SMCHD1: variants seen among roughly 807,000 people sequenced by gnomAD.
SMCHD1 encodes the protein structural maintenance of chromosomes flexible hinge domain containing 1.
A neutral mutation model predicts 254.7 loss-of-function variants in SMCHD1; 78 were observed. The observed-to-expected ratio is 0.31, with a 90% CI of 0.26 to 0.37. The LOEUF (loss-of-function observed/expected upper bound fraction) is 0.37. Ranked by LOEUF, SMCHD1 falls within the 10% of genes least tolerant of loss-of-function variation. The pLI is 1.00. For synonymous variants in SMCHD1, 766 were observed against 794.9 expected (o/e 0.96, Z 0.61); for missense variants, 1,840 against 2,408.1 (o/e 0.76, Z 4.94).
rs1006806631 is a variant in SMCHD1 at position 2,803,674 on chromosome 18, C to T, written c.*1122C>T. 3.7e-5 allele frequency: 4 copies of T among 108,184 alleles called. No individual in the cohort carries two copies. Among genetic ancestry groups the T allele is most frequent in the Admixed American group, 1.1e-4 (1 of 9,014 alleles). The allele number at this position is 108,184 out of a possible 1,614,324, so 6.7% of individuals were successfully genotyped here. A position where few individuals can be genotyped will look rare whatever the true frequency, so the allele number is the denominator to read the frequency against. ...TCATAAAAGTTATCTTGTTAAAAAA[C>T]GATGATGATGTTAACCTATCTATCT... On this transcript the variant is annotated 3_prime_UTR_variant, in exon 48 of 48. Transcript: ENST00000320876.
At chr18:2,695,540 C>A (rs2074268404) in intron 8 of SMCHD1, among the ~76,000 whole-genome samples, 1 of 152,052 alleles carries the variant, frequency 6.6e-6, no homozygotes, top group South Asian at 2.1e-4. Flanking sequence ...GAACTCCTGA[C>A]CTCAGGTGAT....
intron 45 of SMCHD1, chr18:2,784,884 A>G (rs746697724): frequency 1.8e-5 from 9 of 497,982 alleles, no homozygotes; most frequent in South Asian, 6.2e-5. Flanking sequence ...GGCTAAGACA[A>G]GAGTGTCGCT....
chr18:2,804,136 T>C lies in SMCHD1; in HGVS notation c.*1584T>C, dbSNP rs1384563694. The stretch of plus-strand genomic sequence containing the variant: ...AAGAAAGGTTAAAGAGAAATGACTT[T>C]TTAGGAACTAGACTTGAACGTATAA... On this transcript the variant is annotated 3_prime_UTR_variant, in exon 48 of 48. Coordinates refer to ENST00000320876, the MANE Select transcript of SMCHD1 (RefSeq NM_015295.3). The C allele has an allele frequency of 6.6e-6, 1 of 152,194 alleles. No individual in the cohort carries two copies. The highest frequency in any genetic ancestry group is 1.5e-5 in the Non-Finnish European group (1 of 68,030). The allele number at this position is 152,194 out of a possible 1,614,324, so 9.4% of individuals were successfully genotyped here. A position where few individuals can be genotyped will look rare whatever the true frequency, so the allele number is the denominator to read the frequency against.
At chr18:2,698,325 C>T (rs2074327417) in intron 10 of SMCHD1, among the ~76,000 whole-genome samples, 1 of 152,096 alleles carries the variant, frequency 6.6e-6, no homozygotes, top group Non-Finnish European at 1.5e-5. Context: ...GTTCCCTTGT[C>T]TTCTCTTTAT....
intron 7 of SMCHD1, among the ~76,000 whole-genome samples, chr18:2,690,584 G>C (rs1349113237): frequency 6.7e-6 from 1 of 150,142 alleles, no homozygotes; most frequent in Non-Finnish European, 1.5e-5. Context: ...CAATTCCCCT[G>C]CTTCAGCCTC....
intron 30 of SMCHD1, among the ~76,000 whole-genome samples, chr18:2,749,432 A>G (rs2075529744): frequency 6.6e-6 from 1 of 152,226 alleles, no homozygotes; most frequent in African/African-American, 2.4e-5. Flanking sequence ...CAACCCCAGA[A>G]TAAAGATATG....
chr18:2,732,462 T>C lies in SMCHD1; in HGVS notation c.3246T>C (p.Asn1082=). 1 of 1,607,644 alleles carries C rather than the reference T, an allele frequency of 6.2e-7. No individual in the cohort carries two copies. The highest frequency in any genetic ancestry group is 8.5e-7 in the Non-Finnish European group (1 of 1,176,230). The stretch of plus-strand genomic sequence containing the variant: ...ATGATGAAGGAGAAAGAGAAATCAA[T>C]ATAACATCAGCTTTAGCAGAAAAAA... ...QMYDEGEREI[N]ITSALAEKIK... is the part of the protein sequence containing the mutation. The change falls in exon 25 of 48, where the codon AAT becomes AAC. Residue 1082 remains asparagine, a synonymous_variant. Coordinates refer to ENST00000320876, the MANE Select transcript of SMCHD1 (RefSeq NM_015295.3).
chr18:2,796,141 T>C, intron 46 of SMCHD1, 34 bp downstream of exon 46: 1 of 1,436,682 alleles, frequency 7.0e-7, no homozygotes, highest in Non-Finnish European at 9.3e-7. Flanking sequence ...TTCTACTTTC[T>C]TTATATGGAG....
At chr18:2,796,715 G>A (rs999722564) in intron 47 of SMCHD1, 194 bp downstream of exon 47, 2 of 530,200 alleles carry the variant, frequency 3.8e-6, no homozygotes, top group African/African-American at 4.0e-5. Context: ...CGAGTAGCTG[G>A]CATTACAGGC....
chr18:2,659,116 CTTAT>C (rs2073168283), intron 1 of SMCHD1, among the ~76,000 whole-genome samples: 3 of 152,096 alleles, frequency 2.0e-5, no homozygotes, highest in South Asian at 2.1e-4. Flanking sequence ...TAAACTGTTA[CTTAT>C]TTATTTATTT....
chr18:2,738,355 A>G, intron 25 of SMCHD1, 42 bp from the exon 26 acceptor site: 1 of 1,431,752 alleles, frequency 7.0e-7, no homozygotes, highest in South Asian at 1.3e-5. Context: ...AGAGAACATT[A>G]GACGAAGCTT....
At chr18:2,762,429 A>C (rs1215280938) in intron 36 of SMCHD1, among the ~76,000 whole-genome samples, 193 bp downstream of exon 36, 1 of 152,074 alleles carries the variant, frequency 6.6e-6, no homozygotes, top group Admixed American at 6.6e-5. Flanking sequence ...AACATTATAC[A>C]TAAAATGAAT....
intron 30 of SMCHD1, among the ~76,000 whole-genome samples, chr18:2,749,303 A>G (rs776976895): frequency 5.3e-5 from 8 of 152,048 alleles, no homozygotes; most frequent in Admixed American, 3.9e-4. Context: ...TTTAGGTTCT[A>G]TTAAGTTGAG....
chr18:2,692,070 AT>A (rs1299592245), intron 7 of SMCHD1, among the ~76,000 whole-genome samples: 3 of 152,244 alleles, frequency 2.0e-5, no homozygotes, highest in Non-Finnish European at 2.9e-5. Context: ...GTGAAAACTA[AT>A]TTGCATCCAC....
At chr18:2,745,014 T>C (rs925352226) in intron 29 of SMCHD1, among the ~76,000 whole-genome samples, 17 of 152,142 alleles carry the variant, frequency 1.1e-4, no homozygotes, top group African/African-American at 3.4e-4. Context: ...TGGCTAATTT[T>C]GTATTTTAAA....
chr18:2,706,484 C>T lies in SMCHD1; in HGVS notation c.2063+14C>T, dbSNP rs199733051. On this transcript the variant is annotated intron_variant, in intron 15 of 47. Transcript: ENST00000320876. ...TGAAATGGCAAGGTAAGTCACACTTCAAGATGCATGACAAAAATAAGAAAA... is the reference window on the plus strand; with the variant it reads ...TGAAATGGCAAGGTAAGTCACACTTTAAGATGCATGACAAAAATAAGAAAA... 3 of 1,527,856 alleles carry T rather than the reference C, an allele frequency of 2.0e-6. No individual in the cohort carries two copies. Among genetic ancestry groups the T allele is most frequent in the Non-Finnish European group, 2.7e-6 (3 of 1,119,882 alleles). The allele number at this position is 1,527,856 out of a possible 1,614,324, so 94.6% of individuals were successfully genotyped here. A position where few individuals can be genotyped will look rare whatever the true frequency, so the allele number is the denominator to read the frequency against.
At chr18:2,666,262 T>G (rs1365996042) in intron 2 of SMCHD1, 30 bp downstream of exon 2, 1 of 1,060,028 alleles carries the variant, frequency 9.4e-7, no homozygotes, top group Non-Finnish European at 1.4e-6. Flanking sequence ...AAGTTGATGC[T>G]TTTATATTTA....
intron 37 of SMCHD1, among the ~76,000 whole-genome samples, chr18:2,768,164 TA>T (rs55746253): frequency 1.6e-4 from 24 of 147,768 alleles, no homozygotes; most frequent in East Asian, 1.2e-3. Flanking sequence ...GCAAATCAAT[TA>T]AAAAAAAAAG....
At chr18:2,696,217 T>C (rs975073689) in intron 8 of SMCHD1, among the ~76,000 whole-genome samples, 1 of 152,170 alleles carries the variant, frequency 6.6e-6, no homozygotes, top group African/African-American at 2.4e-5. Context: ...GGTAAGATTG[T>C]CTCAGTGCTA....
Sources: allele counts gnomAD v4.1 joint callset (sites outside exome capture counted in the v4.1 genomes callset), GRCh38; gene constraint gnomAD v4.1.1; transcripts MANE v1.5; gene names NCBI Gene and HGNC (gene_info 2026-07-23, HGNC 2026-07-21).